ADAMTS19: variants seen among roughly 807,000 people sequenced by gnomAD.
ADAMTS19 encodes ADAM metallopeptidase with thrombospondin type 1 motif 19.
ADAMTS19 carries 93 observed loss-of-function variants against 153.3 expected under a neutral mutation model. The ratio of observed to expected loss-of-function variants is 0.61; its 90% CI spans 0.51 to 0.72. The LOEUF is 0.72. Among genes scored for constraint, ADAMTS19 ranks in the 30% least tolerant of loss-of-function variants. The pLI is 0.00. For synonymous variants in ADAMTS19, 600 were observed against 556.6 expected (o/e 1.08, Z -1.10); for missense variants, 1,482 against 1,552.1 (o/e 0.95, Z 0.76).
intron 8 of ADAMTS19, among the ~76,000 whole-genome samples, chr5:129,606,704 C>T (rs1312090138): frequency 6.6e-6 from 1 of 152,154 alleles, no homozygotes; most frequent in Non-Finnish European, 1.5e-5. Flanking sequence ...TGTAACTTTA[C>T]AATGGACTTC....
At chr5:129,528,759 GT>G in intron 6 of ADAMTS19, 82 bp downstream of exon 6, 2 of 1,140,616 alleles carry the variant, frequency 1.8e-6, no homozygotes, top group Non-Finnish European at 2.4e-6. Flanking sequence ...AATAGATAAT[GT>G]TTTTATTTCA....
At chr5:129,554,800 A>T (rs1753255549) in intron 7 of ADAMTS19, among the ~76,000 whole-genome samples, 1 of 152,134 alleles carries the variant, frequency 6.6e-6, no homozygotes, top group Admixed American at 6.6e-5. Context: ...GGCAAGAAAA[A>T]TATGGCGCAA....
At chr5:129,667,417 T>C (rs1459656369) in intron 16 of ADAMTS19, among the ~76,000 whole-genome samples, 3 of 152,168 alleles carry the variant, frequency 2.0e-5, no homozygotes, top group Admixed American at 6.6e-5. Flanking sequence ...GGATGTTGTC[T>C]CTTCTAAATC....
intron 8 of ADAMTS19, among the ~76,000 whole-genome samples, chr5:129,607,066 C>T (rs1482741633): frequency 6.6e-6 from 1 of 151,982 alleles, no homozygotes; most frequent in Non-Finnish European, 1.5e-5. Context: ...TACAGGCGCT[C>T]AGCACCCCAC....
chr5:129,658,291 A>AAAAGAAAGAAAGAAAGAAAAAGAAAG (rs1561632007), intron 14 of ADAMTS19, among the ~76,000 whole-genome samples: 7 of 126,178 alleles, frequency 5.5e-5, no homozygotes, highest in Non-Finnish European at 9.7e-5. Flanking sequence ...ATCTGAAAGA[A>AAAAGAAAGAAAGAAAGAAAAAGAAAG]AAAGAAAGAA....
chr5:129,538,043 T>C (rs1462842872), intron 6 of ADAMTS19, among the ~76,000 whole-genome samples: 1 of 152,086 alleles, frequency 6.6e-6, no homozygotes, highest in African/African-American at 2.4e-5. Flanking sequence ...GAGGTGAGTC[T>C]AGGTTAAACA....
At chr5:129,608,017 TTATATATGTATTAC>T (rs1455116314) in intron 8 of ADAMTS19, among the ~76,000 whole-genome samples, 2 of 146,960 alleles carry the variant, frequency 1.4e-5, no homozygotes, top group Non-Finnish European at 1.5e-5. Context: ...GGAATATTTA[TTATATATGTATTAC>T]TATATATGTA....
rs770262400 is a variant in ADAMTS19, at chr5:129,528,632, G to T, written c.1283G>T (p.Trp428Leu). 1.2e-6 allele frequency: 2 copies of T among 1,602,602 alleles called. No individual in the cohort carries two copies. The highest frequency in any genetic ancestry group is 2.2e-5 in the South Asian group (2 of 89,004). ...ATACATTTAGAGATGTCAACAAACT[G>T]GGGGGAAGACATGACTTCAGTGGAT... ...NDIHLEMSTN[W>L]GEDMTSVDAA... Residue 428 changes from tryptophan to leucine, a missense_variant, in exon 6 of 23, where the codon TGG (tryptophan) becomes TTG (leucine). Coordinates refer to ENST00000274487, the MANE Select transcript of ADAMTS19 (RefSeq NM_133638.6).
chr5:129,654,940 C>T (rs1025718252), intron 14 of ADAMTS19, among the ~76,000 whole-genome samples: 8 of 151,732 alleles, frequency 5.3e-5, no homozygotes, highest in Non-Finnish European at 1.2e-4. Flanking sequence ...AAAAAATTTC[C>T]ATTTATATGC....
chr5:129,461,876 C>G lies in ADAMTS19; in HGVS notation c.747+119C>G. The G allele has an allele frequency of 7.4e-7, 1 of 1,351,258 alleles. No homozygotes were observed. Among genetic ancestry groups the G allele is most frequent in the Non-Finnish European group, 9.6e-7 (1 of 1,045,134 alleles). The allele number at this position is 1,351,258 out of a possible 1,614,324, so 83.7% of individuals were successfully genotyped here. On this transcript the variant is annotated intron_variant, in intron 2 of 22. Transcript: ENST00000274487. This position sits in a 1 kb window ranked among gnomAD's most constrained non-coding sequence, Gnocchi z 4.6. ...CAGTGTGCTCCTTTTGAGCTTGGCC[C>G]TAGACTGCACCCCCAGGTGTCTACA...
intron 7 of ADAMTS19, among the ~76,000 whole-genome samples, chr5:129,556,734 G>T (rs1481074461): frequency 1.3e-5 from 2 of 152,186 alleles, no homozygotes; most frequent in Middle Eastern, 3.4e-3. Context: ...AATATGAAAA[G>T]AATTCAACTC....
chr5:129,474,535 C>A (rs994387329), intron 2 of ADAMTS19, among the ~76,000 whole-genome samples: 9 of 152,058 alleles, frequency 5.9e-5, no homozygotes, highest in African/African-American at 2.2e-4. Flanking sequence ...TATGAGGATT[C>A]CAGTTTCTCA....
intron 2 of ADAMTS19, among the ~76,000 whole-genome samples, chr5:129,482,453 G>A (rs375641924): frequency 3.3e-5 from 5 of 152,252 alleles, no homozygotes; most frequent in African/African-American, 9.6e-5. Flanking sequence ...GATATTTCAT[G>A]TGCAATATTT....
At chr5:129,608,116 G>GTGTGTGTATATATATATATATATATATA (rs377008786) in intron 8 of ADAMTS19, among the ~76,000 whole-genome samples, 4 of 47,954 alleles carry the variant, frequency 8.3e-5, no homozygotes, top group Non-Finnish European at 2.0e-4. Context: ...GTGTGTGTGT[G>GTGTGTGTATATATATATATATATATATA]TATATATATA....
intron 7 of ADAMTS19, among the ~76,000 whole-genome samples, chr5:129,565,824 G>A (rs1753686200): frequency 2.6e-5 from 4 of 152,084 alleles, no homozygotes; most frequent in Admixed American, 2.6e-4. Context: ...AAAAAGGTCT[G>A]CCATCAAATT....
intron 7 of ADAMTS19, among the ~76,000 whole-genome samples, chr5:129,572,939 CAAAAA>C (rs1753965437): frequency 6.6e-6 from 1 of 151,772 alleles, no homozygotes; most frequent in African/African-American, 2.4e-5. Context: ...TAGAACAAAA[CAAAAA>C]AGAGTAAGAA....
At chr5:129,540,115 T>C (rs928077461) in intron 6 of ADAMTS19, among the ~76,000 whole-genome samples, 3 of 152,150 alleles carry the variant, frequency 2.0e-5, no homozygotes. Context: ...TTGCATGTTC[T>C]TATCCATATT....
intron 8 of ADAMTS19, among the ~76,000 whole-genome samples, chr5:129,617,425 A>G (rs978082953): frequency 6.6e-6 from 1 of 152,068 alleles, no homozygotes; most frequent in Non-Finnish European, 1.5e-5. Flanking sequence ...GAAAATGTCC[A>G]AATTGCCAAA....
At chr5:129,470,281 C>G (rs1475961032) in intron 2 of ADAMTS19, among the ~76,000 whole-genome samples, 1 of 152,150 alleles carries the variant, frequency 6.6e-6, no homozygotes, top group Non-Finnish European at 1.5e-5. Flanking sequence ...TTGAATGTTT[C>G]CACTTATTTG....
Sources: gnomAD v4.1 joint callset for allele counts (sites outside exome capture counted in the v4.1 genomes callset) on GRCh38, gnomAD v4.1.1 for gene constraint, Gnocchi (gnomAD v3.1) non-coding constraint, MANE v1.5 for transcripts, NCBI Gene and HGNC (gene_info 2026-07-23, HGNC 2026-07-21) for gene names.